Variants in EXOC4 observed in about 807,000 individuals in gnomAD.
EXOC4 encodes the protein SEC8-like 1.
A neutral mutation model predicts 107.2 loss-of-function variants in EXOC4; 71 were observed. The observed-to-expected ratio is 0.66, with a 90% CI of 0.55 to 0.81. EXOC4 has a LOEUF of 0.81. Among genes scored for constraint, EXOC4 ranks in the 30% least tolerant of loss-of-function variants. The pLI is 0.00. For missense variants in EXOC4, 1,108 were observed against 1,189.6 expected, an observed-to-expected ratio of 0.93 and a Z score of 1.01; for synonymous variants, 456 against 441.2, an observed-to-expected ratio of 1.03 and a Z score of -0.42.
intron 9 of EXOC4, among the ~76,000 whole-genome samples, chr7:133,555,636 A>T (rs1160473745): frequency 6.6e-6 from 1 of 152,162 alleles, no homozygotes; most frequent in Non-Finnish European, 1.5e-5. Flanking sequence ...TTCTGGGGTA[A>T]TTCTGAGGGT....
intron 9 of EXOC4, among the ~76,000 whole-genome samples, chr7:133,564,291 G>A (rs1800864356): frequency 1.3e-5 from 2 of 152,148 alleles, no homozygotes; most frequent in African/African-American, 4.8e-5. Context: ...AGAAGCAAGA[G>A]AGAGAAGGGG....
chr7:133,976,687 C>T (rs147495024), intron 14 of EXOC4, among the ~76,000 whole-genome samples: 1 of 152,254 alleles, frequency 6.6e-6, no homozygotes, highest in African/African-American at 2.4e-5. Context: ...GGAAGAAACA[C>T]GGGCACTATG....
At chr7:133,547,992 C>T (rs909197324) in intron 9 of EXOC4, among the ~76,000 whole-genome samples, 5 of 151,880 alleles carry the variant, frequency 3.3e-5, no homozygotes, top group Admixed American at 2.6e-4. Context: ...TCAGAAGAAT[C>T]ACTATTTATA....
At chr7:133,253,465 G>T in intron 1 of EXOC4, 1 of 1,178,166 alleles carries the variant, frequency 8.5e-7, no homozygotes, top group East Asian at 4.1e-5. Flanking sequence ...CACGCTATTT[G>T]GGTTTGGTAG....
chr7:133,941,849 C>CTCTCTCTCTCTCTATCTCTCTCTA, intron 14 of EXOC4, among the ~76,000 whole-genome samples: 1 of 151,886 alleles, frequency 6.6e-6, no homozygotes, highest in Non-Finnish European at 1.5e-5. Context: ...CTCTCTCTCT[C>CTCTCTCTCTCTCTATCTCTCTCTA]TCGGATCTAA....
At chr7:134,096,488 T>G in the EXOC4 span, among the ~76,000 whole-genome samples, 1 of 152,152 alleles carries the variant, frequency 6.6e-6, no homozygotes, top group Non-Finnish European at 1.5e-5. Context: ...TTAAGGAGTA[T>G]TGACTCATAT....
intron 4 of EXOC4, among the ~76,000 whole-genome samples, chr7:133,313,655 T>G (rs1002807373): frequency 1.3e-5 from 2 of 152,200 alleles, no homozygotes; most frequent in Admixed American, 6.5e-5. Context: ...TAATAAGCTG[T>G]CAGCACTTCT....
chr7:133,316,840 T>C (rs1795001491), intron 4 of EXOC4, among the ~76,000 whole-genome samples: 1 of 152,196 alleles, frequency 6.6e-6, no homozygotes. Context: ...AACTATAGCC[T>C]GAAAAACACA....
At chr7:133,955,067 C>T (rs1800782397) in intron 14 of EXOC4, among the ~76,000 whole-genome samples, 1 of 152,226 alleles carries the variant, frequency 6.6e-6, no homozygotes, top group Admixed American at 6.5e-5. Flanking sequence ...CTTCTCTCCT[C>T]TCTTCTGTCC....
chr7:133,745,597 G>T (rs1795657965), intron 10 of EXOC4, among the ~76,000 whole-genome samples: 1 of 151,856 alleles, frequency 6.6e-6, no homozygotes, highest in Non-Finnish European at 1.5e-5. Context: ...AGGATATAAA[G>T]TGACGTGATC....
chr7:133,916,353 G>A (rs1799807487), intron 12 of EXOC4, among the ~76,000 whole-genome samples: 1 of 152,180 alleles, frequency 6.6e-6, no homozygotes, highest in Non-Finnish European at 1.5e-5. Flanking sequence ...CCGTGGCCCA[G>A]GGGTTGGGGA....
intron 5 of EXOC4, among the ~76,000 whole-genome samples, chr7:133,320,501 T>A (rs1233930470): frequency 6.6e-6 from 1 of 152,220 alleles, no homozygotes; most frequent in African/African-American, 2.4e-5. Context: ...GACTCGTGAT[T>A]AGATTGATTC....
chr7:133,574,111 T>C (rs915464755), intron 9 of EXOC4, among the ~76,000 whole-genome samples: 3 of 152,162 alleles, frequency 2.0e-5, no homozygotes, highest in Non-Finnish European at 4.4e-5. Flanking sequence ...AATTATTAAT[T>C]ATTTATGACT....
intron 9 of EXOC4, among the ~76,000 whole-genome samples, chr7:133,617,619 G>A (rs934024395): frequency 1.6e-4 from 24 of 152,116 alleles, no homozygotes; most frequent in African/African-American, 5.8e-4. Context: ...GCAACCTGGG[G>A]AGTCTGACAG....
intron 10 of EXOC4, among the ~76,000 whole-genome samples, chr7:133,681,683 T>A (rs1304252653): frequency 6.6e-6 from 1 of 151,984 alleles, no homozygotes; most frequent in Non-Finnish European, 1.5e-5. Flanking sequence ...AAGTTCAGAT[T>A]TGGGTGGGCA....
rs183367599 is a variant in EXOC4 at position 133,271,650 on chromosome 7, A to G, written c.87-3332A>G. Among the ~76,000 whole-genome samples, 4 of 152,266 alleles carry G rather than the reference A, an allele frequency of 2.6e-5. No individual in the cohort carries two copies. The East Asian group carries it at 7.7e-4, about 29-fold the overall frequency. ...CGGAGTTCTTCTCCAGGAGCTGCCT[A>G]TGTGGGCAGGCTTCTCTTTGGGCCC... is the stretch of plus-strand genomic sequence containing the variant. On this transcript the variant is annotated intron_variant, in intron 1 of 17. Transcript: ENST00000253861.
chr7:133,534,588 G>C (rs773712859), intron 9 of EXOC4, among the ~76,000 whole-genome samples: 1 of 152,072 alleles, frequency 6.6e-6, no homozygotes, highest in Non-Finnish European at 1.5e-5. Context: ...GCTAGGAAAT[G>C]TTTTCTCTGC....
chr7:133,495,384 C>G (rs1418961727), intron 9 of EXOC4, among the ~76,000 whole-genome samples: 3 of 151,816 alleles, frequency 2.0e-5, no homozygotes, highest in African/African-American at 7.3e-5. Context: ...TTAGATTTCA[C>G]TTATTATTGA....
intron 7 of EXOC4, among the ~76,000 whole-genome samples, chr7:133,443,067 G>T (rs1015167668): frequency 2.6e-5 from 4 of 152,284 alleles, no homozygotes; most frequent in African/African-American, 7.2e-5. Context: ...AGAAGCCCCA[G>T]TTGCTGTGAC....
Sources: allele counts gnomAD v4.1 joint callset (sites outside exome capture counted in the v4.1 genomes callset), GRCh38; gene constraint gnomAD v4.1.1; transcripts MANE v1.5; gene names NCBI Gene and HGNC (gene_info 2026-07-23, HGNC 2026-07-21).